SPRED2: variants seen among roughly 807,000 people sequenced by gnomAD.
SPRED2 encodes sprouty-related, EVH1 domain-containing protein 2.
Under a neutral mutation model 43.0 loss-of-function variants are expected in SPRED2, and 47 were observed. The observed-to-expected ratio is 1.09, with a 90% confidence interval of 0.87 to 1.40. The LOEUF is 1.40. Among genes scored for constraint, SPRED2 ranks in the 40% most tolerant of loss-of-function variants. The probability of loss-of-function intolerance (pLI) is 0.00; values close to 1 mark genes in which losing one functional copy is unlikely to be tolerated. For synonymous variants in SPRED2, 225 were observed against 225.7 expected (o/e 1.00, Z 0.03); for missense variants, 561 against 586.4 (o/e 0.96, Z 0.45).
At chr2:65,308,922 G>GT (rs574686765), downstream of SPRED2, among the ~76,000 whole-genome samples, 118 of 152,296 alleles carry the variant, frequency 7.7e-4, no homozygotes, top group African/African-American at 2.7e-3. Context: ...GGAGGCCAAG[G>GT]TGGGTGGATC....
Position 65,361,688 on chromosome 2 carries a change from T to C in SPRED2, c.27-16792A>G, listed in dbSNP as rs540846670. 2.6e-5 allele frequency among the ~76,000 whole-genome samples: 4 copies of C among 152,378 alleles called. No homozygotes were observed. In the South Asian group the frequency reaches 8.3e-4, roughly 32 times the overall value. On this transcript the variant is annotated intron_variant, in intron 1 of 5. Coordinates refer to ENST00000356388, the MANE Select transcript of SPRED2 (RefSeq NM_181784.3). Reference sequence around the variant, plus strand: ...GGGGGTTAAGCGATGTTTTTTAATATTACTCAAAGCAGGGAAAAAGGGGCT... The same window carrying C: ...GGGGGTTAAGCGATGTTTTTTAATACTACTCAAAGCAGGGAAAAAGGGGCT...
intron 1 of SPRED2, among the ~76,000 whole-genome samples, chr2:65,411,037 C>A (rs958388670): frequency 2.0e-5 from 3 of 152,204 alleles, no homozygotes; most frequent in South Asian, 2.1e-4. Context: ...GCTTGACCTA[C>A]TGCAATTGCT....
chr2:65,383,469 A>G (rs1047909438), intron 1 of SPRED2, among the ~76,000 whole-genome samples: 5 of 152,224 alleles, frequency 3.3e-5, no homozygotes, highest in Admixed American at 3.3e-4. Flanking sequence ...ATCCTCAGAT[A>G]GGGCCCTCTT....
At chr2:65,365,820 G>T (rs546112427) in intron 1 of SPRED2, among the ~76,000 whole-genome samples, 1 of 152,270 alleles carries the variant, frequency 6.6e-6, no homozygotes, top group South Asian at 2.1e-4. Flanking sequence ...AATAAGATAT[G>T]TGCTTTAACT....
chr2:65,412,399 AAG>A (rs1287665066), intron 1 of SPRED2, among the ~76,000 whole-genome samples: 1 of 152,176 alleles, frequency 6.6e-6, no homozygotes, highest in Non-Finnish European at 1.5e-5. Context: ...CAGGGCTGAC[AAG>A]AATTGCACGC....
chr2:65,323,966 T>C (rs1673517301), intron 4 of SPRED2, among the ~76,000 whole-genome samples: 1 of 151,600 alleles, frequency 6.6e-6, no homozygotes, highest in Non-Finnish European at 1.5e-5. Flanking sequence ...GACCATGTTG[T>C]TGGGGGAGAT....
In SPRED2 at chr2:65,380,121, G is replaced by C. The variant is rs1049258077; in HGVS notation, c.27-35225C>G. On this transcript the variant is annotated intron_variant, in intron 1 of 5. Coordinates refer to ENST00000356388, the MANE Select transcript of SPRED2 (RefSeq NM_181784.3). ...AGGTTTGAATTCTGTATATCATAAG[G>C]TATAGAGAAACCTGGTGTGCAAGTC... Among the ~76,000 whole-genome samples, 6 of 152,112 alleles carry C rather than the reference G, an allele frequency of 3.9e-5. No homozygotes were observed. In the South Asian group the frequency reaches 1.2e-3, roughly 32 times the overall value.
Position 65,393,127 on chromosome 2 carries a change from TA to T in SPRED2, c.26+38834del, listed in dbSNP as rs1675675899. On this transcript the variant is annotated intron_variant, in intron 1 of 5. Coordinates refer to ENST00000356388, the MANE Select transcript of SPRED2 (RefSeq NM_181784.3). ...GGCAGTATGTTATTTTAAATAATCCTAAATGTAGCTTCCAACCACTTTTAGA... is the reference window on the plus strand; with the variant it reads ...GGCAGTATGTTATTTTAAATAATCCTAATGTAGCTTCCAACCACTTTTAGA... Among the ~76,000 whole-genome samples the T allele has an allele frequency of 2.0e-5, 3 of 152,354 alleles. No individual in the cohort carries two copies. In the South Asian group the frequency reaches 6.2e-4, roughly 32 times the overall value.
chr2:65,368,323 C>A (rs1160314826), intron 1 of SPRED2, among the ~76,000 whole-genome samples: 2 of 152,224 alleles, frequency 1.3e-5, no homozygotes, highest in African/African-American at 2.4e-5. Context: ...TGGGCCTCAA[C>A]TGAAGACTTC....
intron 2 of SPRED2, among the ~76,000 whole-genome samples, chr2:65,338,781 C>T (rs1236160438): frequency 2.0e-5 from 3 of 151,310 alleles, no homozygotes; most frequent in African/African-American, 7.3e-5. Context: ...GTGAGGAGCC[C>T]CTCTGCCTGG....
At chr2:65,421,970 AG>A (rs1251646368) in intron 1 of SPRED2, among the ~76,000 whole-genome samples, 1 of 152,176 alleles carries the variant, frequency 6.6e-6, no homozygotes, top group African/African-American at 2.4e-5. Flanking sequence ...GTGAGACCTC[AG>A]GCAAGACAGG....
intron 1 of SPRED2, among the ~76,000 whole-genome samples, chr2:65,416,165 G>A (rs184735143): frequency 3.9e-5 from 6 of 152,322 alleles, no homozygotes; most frequent in Admixed American, 1.3e-4. Flanking sequence ...GAGGATGGGA[G>A]GATGGGGGTG....
chr2:65,315,637 A>G (rs1673210555), intron 5 of SPRED2, among the ~76,000 whole-genome samples: 1 of 152,234 alleles, frequency 6.6e-6, no homozygotes, highest in African/African-American at 2.4e-5. Flanking sequence ...GTTAATTTCC[A>G]TCTACTGCTA....
At chr2:65,353,340 T>C (rs770836258) in intron 1 of SPRED2, among the ~76,000 whole-genome samples, 1 of 152,244 alleles carries the variant, frequency 6.6e-6, no homozygotes, top group Non-Finnish European at 1.5e-5. Flanking sequence ...TTGTTCATGC[T>C]ACCTAGCTAC....
intron 1 of SPRED2, among the ~76,000 whole-genome samples, chr2:65,413,211 C>A (rs914855161): frequency 6.6e-6 from 1 of 152,122 alleles, no homozygotes; most frequent in African/African-American, 2.4e-5. Context: ...CTGATGGTGA[C>A]CAACATACTT....
chr2:65,336,895 T>C (rs1572848769), intron 2 of SPRED2, among the ~76,000 whole-genome samples: 1 of 152,014 alleles, frequency 6.6e-6, no homozygotes, highest in Admixed American at 6.5e-5. Flanking sequence ...GATCATGAGG[T>C]CAGGAGATCG....
chr2:65,385,465 C>T (rs1163369167), intron 1 of SPRED2, among the ~76,000 whole-genome samples: 1 of 152,222 alleles, frequency 6.6e-6, no homozygotes, highest in Non-Finnish European at 1.5e-5. Context: ...GACACAAAGG[C>T]TGCCCATGTT....
chr2:65,397,321 A>G (rs1675779603), intron 1 of SPRED2, among the ~76,000 whole-genome samples: 2 of 152,200 alleles, frequency 1.3e-5, no homozygotes, highest in South Asian at 4.1e-4. Context: ...GCGCCAAGTA[A>G]TAAACCCAGC....
chr2:65,334,910 T>C (rs900104715), intron 2 of SPRED2, 137 bp from the exon 3 acceptor site: 2 of 819,464 alleles, frequency 2.4e-6, no homozygotes, highest in Non-Finnish European at 3.9e-6. Context: ...TATCTGTGAG[T>C]CTCTCCAATG....
Sources: allele counts gnomAD v4.1 joint callset (sites outside exome capture counted in the v4.1 genomes callset), GRCh38; gene constraint gnomAD v4.1.1; transcripts MANE v1.5; gene names NCBI Gene and HGNC (gene_info 2026-07-23, HGNC 2026-07-21).